BASP1: variants seen among roughly 807,000 people sequenced by gnomAD.
BASP1 encodes brain acid soluble protein 1.
Under a neutral mutation model 2.2 loss-of-function variants are expected in BASP1, and 1 was observed. The ratio of observed to expected loss-of-function variants is 0.46; its 90% CI spans 0.16 to 2.17. The LOEUF is 2.17. BASP1 is among the 30% of genes most tolerant of loss of function. The pLI, the probability that BASP1 is intolerant of heterozygous loss-of-function variation, is 0.27. For missense variants in BASP1, 352 were observed against 327.2 expected (o/e 1.08, Z -0.58); for synonymous variants, 187 against 154.2 (o/e 1.21, Z -1.58).
intron 1 of BASP1, among the ~76,000 whole-genome samples, chr5:17,243,899 C>G (rs192446592): frequency 6.6e-6 from 1 of 152,328 alleles, no homozygotes; most frequent in Admixed American, 6.5e-5. Context: ...CACTGCAGCT[C>G]TTGCCAGAAT....
At chr5:17,257,865 G>A (rs1245706546) in intron 1 of BASP1, among the ~76,000 whole-genome samples, 1 of 152,200 alleles carries the variant, frequency 6.6e-6, no homozygotes, top group Non-Finnish European at 1.5e-5. Context: ...TTCATGTTGT[G>A]TAAGAAAGGA....
intron 1 of BASP1, among the ~76,000 whole-genome samples, chr5:17,224,268 G>T (rs752442982): frequency 6.6e-6 from 1 of 152,092 alleles, no homozygotes; most frequent in African/African-American, 2.4e-5. Flanking sequence ...TGTATCTTAC[G>T]GATTCTGGAG....
upstream of BASP1, among the ~76,000 whole-genome samples, chr5:17,217,234 G>A (rs1336614979): frequency 9.8e-6 from 1 of 101,706 alleles, no homozygotes; most frequent in African/African-American, 4.2e-5. Flanking sequence ...GGAAACGTTG[G>A]CGGGGCACAG....
chr5:17,225,066 C>G (rs1347558783), intron 1 of BASP1, among the ~76,000 whole-genome samples: 1 of 152,168 alleles, frequency 6.6e-6, no homozygotes, highest in African/African-American at 2.4e-5. Context: ...TCAAAATAAT[C>G]TTAGAGAAGT....
chr5:17,261,269 T>G (rs935533875), intron 1 of BASP1, among the ~76,000 whole-genome samples: 3 of 152,240 alleles, frequency 2.0e-5, no homozygotes, highest in African/African-American at 2.4e-5. Flanking sequence ...CAAGCCTGTT[T>G]GCTTTACTTT....
chr5:17,268,640 A>G (rs985354685), intron 1 of BASP1, among the ~76,000 whole-genome samples: 3 of 152,178 alleles, frequency 2.0e-5, no homozygotes, highest in Admixed American at 1.3e-4. Flanking sequence ...AGATGATCTG[A>G]AGGGATAAGG....
intron 1 of BASP1, among the ~76,000 whole-genome samples, chr5:17,229,895 G>T (rs1739596529): frequency 6.6e-6 from 1 of 150,564 alleles, no homozygotes; most frequent in African/African-American, 2.4e-5. Context: ...GCAGTTCTCT[G>T]CCTCAGCCTC....
chr5:17,225,118 G>A (rs569615454), intron 1 of BASP1, among the ~76,000 whole-genome samples: 7 of 152,308 alleles, frequency 4.6e-5, no homozygotes, highest in Middle Eastern at 3.4e-3. Flanking sequence ...TATGGGCTGC[G>A]TGGAAACCCA....
At chr5:17,246,655 T>G (rs1423434431) in intron 1 of BASP1, among the ~76,000 whole-genome samples, 1 of 152,224 alleles carries the variant, frequency 6.6e-6, no homozygotes, top group Non-Finnish European at 1.5e-5. Context: ...GAATGAATAA[T>G]GTCAACTCAC....
chr5:17,243,616 C>T (rs1416362334), intron 1 of BASP1, among the ~76,000 whole-genome samples: 2 of 152,192 alleles, frequency 1.3e-5, no homozygotes, highest in East Asian at 3.8e-4. Flanking sequence ...TAATCTAGAT[C>T]TCTGTTTCCT....
intron 1 of BASP1, among the ~76,000 whole-genome samples, chr5:17,218,827 G>A (rs952587375): frequency 4.1e-5 from 6 of 145,326 alleles, no homozygotes; most frequent in Non-Finnish European, 6.0e-5. Context: ...GCTGCAAACC[G>A]CATTCTTTTC....
At chr5:17,235,259 T>G (rs1026623765) in intron 1 of BASP1, among the ~76,000 whole-genome samples, 14 of 128,858 alleles carry the variant, frequency 1.1e-4, no homozygotes, top group African/African-American at 4.1e-4. Context: ...GCTATTTATG[T>G]TTTTCTTTTT....
At chr5:17,221,198 C>T (rs1739387509) in intron 1 of BASP1, among the ~76,000 whole-genome samples, 1 of 152,168 alleles carries the variant, frequency 6.6e-6, no homozygotes, top group African/African-American at 2.4e-5. Context: ...AATAAGCTCA[C>T]TTCCCATTTA....
chr5:17,257,481 G>T (rs1561173683), intron 1 of BASP1, among the ~76,000 whole-genome samples: 1 of 152,176 alleles, frequency 6.6e-6, no homozygotes, highest in South Asian at 2.1e-4. Flanking sequence ...TTAGGTAAAT[G>T]AAGGTAAAAT....
intron 1 of BASP1, among the ~76,000 whole-genome samples, chr5:17,237,635 T>C (rs1739777176): frequency 6.6e-6 from 1 of 150,902 alleles, no homozygotes; most frequent in African/African-American, 2.4e-5. Flanking sequence ...TTTTTTTTTT[T>C]TTCCGTGATG....
chr5:17,221,982 C>T (rs1223832382), intron 1 of BASP1, among the ~76,000 whole-genome samples: 1 of 151,948 alleles, frequency 6.6e-6, no homozygotes, highest in East Asian at 2.0e-4. Flanking sequence ...GCTCCTCAAC[C>T]TCTCAGTCTC....
At chr5:17,274,050 T>C (rs1439616343) in intron 1 of BASP1, among the ~76,000 whole-genome samples, 1 of 152,188 alleles carries the variant, frequency 6.6e-6, no homozygotes, top group African/African-American at 2.4e-5. Context: ...ATTTATAATT[T>C]ATTATTTATC....
At chr5:17,224,026 C>T (rs75852280) in intron 1 of BASP1, among the ~76,000 whole-genome samples, 4,832 of 152,226 alleles carry the variant, frequency 0.032, 104 homozygotes, top group East Asian at 0.11. Context: ...GAATTATCCC[C>T]GTGGGGACCT....
chr5:17,252,909 C>T (rs1389538976), intron 1 of BASP1, among the ~76,000 whole-genome samples: 2 of 152,158 alleles, frequency 1.3e-5, no homozygotes, highest in Non-Finnish European at 2.9e-5. Flanking sequence ...TTTAGACTTT[C>T]CCAGCCATGC....
Sources: gnomAD v4.1 joint callset for allele counts (sites outside exome capture counted in the v4.1 genomes callset) on GRCh38, gnomAD v4.1.1 for gene constraint, MANE v1.5 for transcripts, NCBI Gene and HGNC (gene_info 2026-07-23, HGNC 2026-07-21) for gene names.